Variants in FNTA observed in about 807,000 individuals in gnomAD.
The protein encoded by FNTA is protein farnesyltransferase/geranylgeranyltransferase type-1 subunit alpha.
FNTA carries 27 observed loss-of-function variants against 55.2 expected under a neutral mutation model. The ratio of observed to expected loss-of-function variants is 0.49; its 90% CI spans 0.36 to 0.67. The LOEUF is 0.67. FNTA is among the 30% of genes least tolerant of loss of function. The pLI is 0.00. For synonymous variants in FNTA, 176 were observed against 170.7 expected (o/e 1.03, Z -0.24); for missense variants, 422 against 464.7 (o/e 0.91, Z 0.85).
chr8:43,069,247 G>C (rs1326253505), intron 3 of FNTA, among the ~76,000 whole-genome samples: 1 of 151,516 alleles, frequency 6.6e-6, no homozygotes, highest in Admixed American at 6.6e-5. Flanking sequence ...TCCCCGAGCA[G>C]CTGGGACTAC....
chr8:43,061,050 C>G (rs569661577), intron 2 of FNTA, among the ~76,000 whole-genome samples: 3 of 152,222 alleles, frequency 2.0e-5, no homozygotes, highest in Non-Finnish European at 4.4e-5. Context: ...ATTTTCCACC[C>G]ATGATTTAAG....
At chr8:43,057,568 G>A (rs185611506) in intron 1 of FNTA, among the ~76,000 whole-genome samples, 6 of 152,248 alleles carry the variant, frequency 3.9e-5, no homozygotes, top group Admixed American at 3.9e-4. Flanking sequence ...GATTTCACTT[G>A]TATTTCTCCC....
intron 1 of FNTA, among the ~76,000 whole-genome samples, chr8:43,057,576 C>T (rs1038651290): frequency 7.2e-5 from 11 of 152,142 alleles, no homozygotes; most frequent in African/African-American, 2.2e-4. Context: ...TTGTATTTCT[C>T]CCTGTATAAT....
At chr8:43,061,552 T>C (rs755706979) in intron 2 of FNTA, among the ~76,000 whole-genome samples, 1 of 152,216 alleles carries the variant, frequency 6.6e-6, no homozygotes, top group Non-Finnish European at 1.5e-5. Context: ...AAGCTATATG[T>C]CTATCTTTTG....
Position 43,064,205 on chromosome 8 carries a change from T to TA in FNTA, c.392dup (p.Tyr131Ter). 2 of 1,602,026 alleles carry TA rather than the reference T, an allele frequency of 1.2e-6. No homozygotes were observed. The highest frequency in any genetic ancestry group is 1.7e-6 in the Non-Finnish European group (2 of 1,169,050). Reference sequence around the variant, plus strand: ...TGCTATTGAGTTAAATGCAGCCAATTATACAGTGTGGTAAGTAATACACAT... The same window carrying TA: ...TGCTATTGAGTTAAATGCAGCCAATTAATACAGTGTGGTAAGTAATACACAT... ...RDAIELNAAN[Y>*]TVWHFRRVLL... is the part of the protein sequence containing the mutation. Residue 131 changes from tyrosine to a stop codon, truncating the protein, a stop_gained and frameshift_variant, in exon 3 of 9, where the codon TAT (tyrosine) becomes TAAT (stop). Transcript: ENST00000302279. LOFTEE classifies it high-confidence loss of function.
At chr8:43,067,964 A>G (rs945972013) in intron 3 of FNTA, among the ~76,000 whole-genome samples, 2 of 152,176 alleles carry the variant, frequency 1.3e-5, no homozygotes, top group Admixed American at 1.3e-4. Flanking sequence ...CAGTGGCACA[A>G]TCATGGCTCA....
intron 2 of FNTA, among the ~76,000 whole-genome samples, chr8:43,059,873 G>A (rs981909650): frequency 6.6e-6 from 1 of 152,176 alleles, no homozygotes; most frequent in Admixed American, 6.5e-5. Context: ...GCCGTATTAA[G>A]TGTGCAGATA....
At chr8:43,067,681 A>G (rs1810693079) in intron 3 of FNTA, among the ~76,000 whole-genome samples, 1 of 151,802 alleles carries the variant, frequency 6.6e-6, no homozygotes, top group Non-Finnish European at 1.5e-5. Context: ...ATGGAGAGAA[A>G]TACTGTTGTC....
chr8:43,084,072 GAAAA>G (rs796564498), intron 7 of FNTA, among the ~76,000 whole-genome samples: 2 of 134,018 alleles, frequency 1.5e-5, no homozygotes, highest in Non-Finnish European at 3.2e-5. Context: ...CTGTCTCAAA[GAAAA>G]AAAAAAAAGA....
chr8:43,074,550 T>TACACACACAC (rs10543932), intron 5 of FNTA, among the ~76,000 whole-genome samples: 1 of 150,476 alleles, frequency 6.6e-6, no homozygotes, highest in African/African-American at 2.4e-5. Context: ...AAAAGTGAAA[T>TACACACACAC]ACACACACAC....
chr8:43,067,985 C>T (rs932051426), intron 3 of FNTA, among the ~76,000 whole-genome samples: 6 of 152,168 alleles, frequency 3.9e-5, no homozygotes, highest in African/African-American at 1.2e-4. Flanking sequence ...TTACAACTTC[C>T]GACTCCCGGC....
chr8:43,059,655 G>A (rs1298483248), intron 2 of FNTA, among the ~76,000 whole-genome samples: 1 of 152,164 alleles, frequency 6.6e-6, no homozygotes, highest in Non-Finnish European at 1.5e-5. Flanking sequence ...TGTAATGAAT[G>A]TGAAAGTGTA....
chr8:43,059,158 G>A lies in FNTA; in HGVS notation c.267G>A (p.Gln89=), dbSNP rs1398021455. 1.2e-6 allele frequency: 2 copies of A among 1,612,562 alleles called. No homozygotes were observed. The highest frequency in any genetic ancestry group is 2.2e-5 in the East Asian group (1 of 44,816). The part of the protein sequence containing the change: ...PQNDGPNPVV[Q]IIYSDKFRDV... ...ATGATGGCCCCAATCCCGTGGTCCA[G>A]ATCATTTATAGTGACAAATGTAAGT... The change falls in exon 2 of 9, where the codon CAG becomes CAA. Residue 89 remains glutamine (Q), a synonymous_variant. Coordinates refer to ENST00000302279, the MANE Select transcript of FNTA (RefSeq NM_002027.3).
intron 2 of FNTA, among the ~76,000 whole-genome samples, chr8:43,060,468 A>T (rs1003448863): frequency 2.0e-5 from 3 of 152,130 alleles, no homozygotes; most frequent in Non-Finnish European, 4.4e-5. Flanking sequence ...TAAGGTTAGG[A>T]GTTTGAGACT....
At chr8:43,080,856 T>C (rs1383298721) in intron 6 of FNTA, 1 of 152,204 alleles carries the variant, frequency 6.6e-6, no homozygotes, top group Non-Finnish European at 1.5e-5. Context: ...AAATTGAATA[T>C]GAAGAGTTTT....
At chr8:43,083,231 G>T in intron 7 of FNTA, 51 bp downstream of exon 7, 1 of 1,027,040 alleles carries the variant, frequency 9.7e-7, no homozygotes, top group South Asian at 1.4e-5. Context: ...GTGGCTATAT[G>T]ATGCATCATG....
intron 3 of FNTA, 54 bp downstream of exon 3, chr8:43,064,269 C>T: frequency 1.7e-6 from 2 of 1,157,892 alleles, no homozygotes; most frequent in Non-Finnish European, 2.5e-6. Flanking sequence ...CTTCAAGTGG[C>T]TTTTCTTTTT....
intron 5 of FNTA, among the ~76,000 whole-genome samples, chr8:43,075,731 G>T (rs929281379): frequency 6.6e-6 from 1 of 152,116 alleles, no homozygotes; most frequent in Admixed American, 6.6e-5. Context: ...CAAGAATATC[G>T]CTTGAGTCTG....
At chr8:43,077,500 G>C (rs58729413) in intron 6 of FNTA, 136 bp downstream of exon 6, 49,392 of 488,562 alleles carry the variant, frequency 0.1, 3,419 homozygotes, top group African/African-American at 0.25. Context: ...GTGGAACATA[G>C]GATGATAGAT....
Sources: allele counts gnomAD v4.1 joint callset (sites outside exome capture counted in the v4.1 genomes callset), GRCh38; gene constraint gnomAD v4.1.1; transcripts MANE v1.5; gene names NCBI Gene and HGNC (gene_info 2026-07-23, HGNC 2026-07-21).